SLCO3A1: variants seen among roughly 807,000 people sequenced by gnomAD.
The protein encoded by SLCO3A1 is PGE1 transporter.
SLCO3A1 carries 27 observed loss-of-function variants against 63.1 expected under a neutral mutation model. The ratio of observed to expected loss-of-function variants is 0.43; its 90% CI spans 0.32 to 0.59. SLCO3A1 has a LOEUF of 0.59. Ranked by LOEUF, SLCO3A1 falls within the 20% of genes least tolerant of loss-of-function variation. The pLI, the probability that SLCO3A1 is intolerant of heterozygous loss-of-function variation, is 0.09. For missense variants in SLCO3A1, 773 were observed against 945.8 expected (o/e 0.82, Z 2.40); for synonymous variants, 473 against 409.9 (o/e 1.15, Z -1.86).
intron 3 of SLCO3A1, among the ~76,000 whole-genome samples, chr15:92,100,307 G>A (rs559393411): frequency 9.9e-5 from 15 of 152,268 alleles, no homozygotes; most frequent in African/African-American, 3.6e-4. Flanking sequence ...GAATGACCAC[G>A]GGGTAGATTA....
rs188106870 is a variant in SLCO3A1, at chr15:91,886,527, G to A, written c.181-29466G>A. ...TGGACCTGGTGATTTTCCTCTTTAC[G>A]CTTTGCCCTTCCAAAGAGAGATGGA... On this transcript the variant is annotated intron_variant, in intron 1 of 9. Transcript: ENST00000318445. This position sits in a 1 kb window ranked among gnomAD's most constrained non-coding sequence, Gnocchi z 4.9. Among the ~76,000 whole-genome samples the A allele has an allele frequency of 5.3e-5, 8 of 152,232 alleles. No homozygotes were observed. In the South Asian group the frequency reaches 6.2e-4, roughly 12 times the overall value.
chr15:92,119,961 A>G (rs961582780), intron 4 of SLCO3A1, among the ~76,000 whole-genome samples: 5 of 152,166 alleles, frequency 3.3e-5, no homozygotes, highest in African/African-American at 1.2e-4. Context: ...CAAGAATTTC[A>G]TATCTTTCTT....
At chr15:91,962,443 C>T (rs1018102163) in intron 2 of SLCO3A1, among the ~76,000 whole-genome samples, 3 of 139,022 alleles carry the variant, frequency 2.2e-5, no homozygotes, top group Non-Finnish European at 4.5e-5. Context: ...CGCGCCATTG[C>T]ACTCCAGCCT....
intron 2 of SLCO3A1, among the ~76,000 whole-genome samples, chr15:92,023,215 C>T (rs764311507): frequency 6.6e-6 from 1 of 152,144 alleles, no homozygotes; most frequent in Non-Finnish European, 1.5e-5. Context: ...TTACATGCAG[C>T]CTTACAAGGA....
At chr15:92,116,758 C>T (rs967234914) in intron 4 of SLCO3A1, among the ~76,000 whole-genome samples, 3 of 152,172 alleles carry the variant, frequency 2.0e-5, no homozygotes, top group Non-Finnish European at 4.4e-5. Flanking sequence ...TAGGCTGAAC[C>T]TTTGAAAAGC....
intron 2 of SLCO3A1, among the ~76,000 whole-genome samples, chr15:91,955,495 G>A (rs972932407): frequency 4.6e-5 from 7 of 152,114 alleles, no homozygotes; most frequent in African/African-American, 1.7e-4. Flanking sequence ...GCCCCACCCG[G>A]CCAAGTTTTG....
At chr15:91,914,567 C>CTTTTTTTTTTTTT in intron 1 of SLCO3A1, among the ~76,000 whole-genome samples, 1 of 122,276 alleles carries the variant, frequency 8.2e-6, no homozygotes, top group Non-Finnish European at 1.7e-5. Context: ...TATTTTCTTC[C>CTTTTTTTTTTTTT]TTTTTTTTTT....
intron 2 of SLCO3A1, among the ~76,000 whole-genome samples, chr15:91,988,102 C>G (rs1213432524): frequency 6.6e-6 from 1 of 152,132 alleles, no homozygotes; most frequent in Non-Finnish European, 1.5e-5. Context: ...AGGAGATATA[C>G]TTTTGAAAAA....
rs558985352 is a variant in SLCO3A1, at chr15:92,006,001, G to A, written c.647-88880G>A. On this transcript the variant is annotated intron_variant, in intron 2 of 9. Transcript: ENST00000318445. ...TGAGGGTTAAAAACGTCTTGTATGT[G>A]AAAGGAGATAATGCCACACCAGGTG... Among the ~76,000 whole-genome samples, 3 of 152,282 alleles carry A rather than the reference G, an allele frequency of 2.0e-5. No homozygotes were observed. The South Asian group carries it at 6.2e-4, about 32-fold the overall frequency.
chr15:91,937,926 G>T (rs188472467), intron 2 of SLCO3A1, among the ~76,000 whole-genome samples: 1 of 152,202 alleles, frequency 6.6e-6, no homozygotes, highest in Non-Finnish European at 1.5e-5. Context: ...TTTGGAGGCG[G>T]TATCTACCTT....
rs1341586614 is a variant in SLCO3A1 at position 91,924,483 on chromosome 15, C to T, written c.646+8025C>T. On this transcript the variant is annotated intron_variant, in intron 2 of 9. Coordinates refer to ENST00000318445, the MANE Select transcript of SLCO3A1 (RefSeq NM_013272.4). ...ATTGCATTCATTGATTTCAAAAGAC[C>T]ATCAATTTCAAATTGCATTCATCTT... 2.0e-5 allele frequency among the ~76,000 whole-genome samples: 3 copies of T among 152,122 alleles called. No homozygotes were observed. The South Asian group carries it at 6.2e-4, about 31-fold the overall frequency.
At position 92,150,995 on chromosome 15, in the gene SLCO3A1, TCTC is replaced by T; in HGVS notation, c.1740_1742del (p.Leu581del). The T allele has an allele frequency of 6.2e-7, 1 of 1,612,764 alleles. No individual in the cohort carries two copies. Among genetic ancestry groups the T allele is most frequent in the Non-Finnish European group, 8.5e-7 (1 of 1,179,054 alleles). On this transcript the variant is annotated inframe_deletion, in exon 9 of 10. Coordinates refer to ENST00000318445, the MANE Select transcript of SLCO3A1 (RefSeq NM_013272.4). Reference sequence around the variant, plus strand: ...AGTCTTACGCTTTGGGAGTTCTTTTTCTCCTCCTTCGTTTGTTGGGTATGTATT... The same window carrying T: ...AGTCTTACGCTTTGGGAGTTCTTTTTCTCCTTCGTTTGTTGGGTATGTATT...
At chr15:91,925,138 G>T (rs1055607354) in intron 2 of SLCO3A1, among the ~76,000 whole-genome samples, 1 of 152,216 alleles carries the variant, frequency 6.6e-6, no homozygotes, top group Non-Finnish European at 1.5e-5. Context: ...CACAGGTATT[G>T]TTCTTAAAAA....
chr15:92,156,230 G>A (rs984525934), intron 9 of SLCO3A1, among the ~76,000 whole-genome samples: 30 of 152,212 alleles, frequency 2.0e-4, no homozygotes, highest in African/African-American at 7.2e-4. Flanking sequence ...CCAGGTGAGA[G>A]ATGAGAGGGA....
In SLCO3A1 at chr15:92,018,755, G is replaced by A. The variant is rs532230218; in HGVS notation, c.647-76126G>A. Among the ~76,000 whole-genome samples, 17 of 152,304 alleles carry A rather than the reference G, an allele frequency of 1.1e-4. 1 individual carries two copies. Among genetic ancestry groups the A allele is most frequent in the Admixed American group, 1.1e-3 (17 of 15,296 alleles). On this transcript the variant is annotated intron_variant, in intron 2 of 9. Transcript: ENST00000318445. ...GCATGGCATCAGAGGGGATCACGGG[G>A]TGGGTTGGAGTGCAGGGATGTCCCC...
intron 2 of SLCO3A1, among the ~76,000 whole-genome samples, chr15:92,012,533 A>G (rs2046380125): frequency 6.6e-6 from 1 of 152,132 alleles, no homozygotes; most frequent in East Asian, 1.9e-4. Context: ...TCCCCTTCCC[A>G]TCGCTGACCA....
intron 2 of SLCO3A1, among the ~76,000 whole-genome samples, chr15:92,079,807 G>A (rs1014720841): frequency 2.6e-5 from 4 of 152,254 alleles, no homozygotes; most frequent in Non-Finnish European, 5.9e-5. Flanking sequence ...GAGCTTTGAA[G>A]CCTGAACTAG....
At chr15:92,078,903 G>A (rs931366267) in intron 2 of SLCO3A1, among the ~76,000 whole-genome samples, 26 of 152,152 alleles carry the variant, frequency 1.7e-4, no homozygotes, top group African/African-American at 5.8e-4. Flanking sequence ...CTGGCCCTAC[G>A]CTATGAATGG....
intron 2 of SLCO3A1, among the ~76,000 whole-genome samples, chr15:92,041,602 G>C (rs1260021807): frequency 2.0e-5 from 3 of 152,154 alleles, no homozygotes; most frequent in African/African-American, 7.2e-5. Flanking sequence ...GGAGATGTCA[G>C]GTTTCACTGA....
Sources: gnomAD v4.1 joint callset for allele counts (sites outside exome capture counted in the v4.1 genomes callset) on GRCh38, gnomAD v4.1.1 for gene constraint, Gnocchi (gnomAD v3.1) non-coding constraint, MANE v1.5 for transcripts, NCBI Gene and HGNC (gene_info 2026-07-23, HGNC 2026-07-21) for gene names.